ITIH2: variants seen among roughly 807,000 people sequenced by gnomAD.
ITIH2 encodes inter-alpha-trypsin inhibitor heavy chain 2, also known as inter-alpha-trypsin inhibitor heavy chain H2.
ITIH2 carries 103 observed loss-of-function variants against 104.4 expected under a neutral mutation model. That is an observed-to-expected ratio of 0.99 (90% CI 0.84 to 1.16). ITIH2 has a LOEUF of 1.16. Ranked by LOEUF, ITIH2 falls within the 50% of genes most tolerant of loss-of-function variation. The pLI, the probability that ITIH2 is intolerant of heterozygous loss-of-function variation, is 0.00. For synonymous variants in ITIH2, 436 were observed against 435.4 expected (o/e 1.00, Z -0.02); for missense variants, 1,108 against 1,162.4 (o/e 0.95, Z 0.68).
chr10:7,737,493 A>G (rs1835067833), intron 15 of ITIH2, among the ~76,000 whole-genome samples: 1 of 137,414 alleles, frequency 7.3e-6, no homozygotes, highest in Non-Finnish European at 1.5e-5. Flanking sequence ...ATATATAATT[A>G]TATATATTTT....
At chr10:7,712,011 A>G (rs112078614) in intron 4 of ITIH2, among the ~76,000 whole-genome samples, 7 of 152,302 alleles carry the variant, frequency 4.6e-5, no homozygotes, top group Admixed American at 2.6e-4. Flanking sequence ...AGAGGTCCCC[A>G]AGGGAGATGG....
At chr10:7,716,280 G>A (rs1349962438) in intron 5 of ITIH2, among the ~76,000 whole-genome samples, 1 of 152,120 alleles carries the variant, frequency 6.6e-6, no homozygotes, top group Non-Finnish European at 1.5e-5. Context: ...TGTGCCCAGT[G>A]TATTTACTTA....
chr10:7,713,949 A>G (rs1016569820), intron 5 of ITIH2, among the ~76,000 whole-genome samples: 1 of 152,032 alleles, frequency 6.6e-6, no homozygotes, highest in African/African-American at 2.4e-5. Context: ...TCAGCCTCCC[A>G]AAGTACTGGG....
chr10:7,716,096 CCT>C (rs1446404836), intron 5 of ITIH2, among the ~76,000 whole-genome samples: 2 of 151,552 alleles, frequency 1.3e-5, no homozygotes, highest in African/African-American at 4.9e-5. Context: ...GCAATTCTCC[CCT>C]CTCAGCCTCC....
chr10:7,729,034 C>T (rs1289025185), intron 11 of ITIH2, among the ~76,000 whole-genome samples: 1 of 152,128 alleles, frequency 6.6e-6, no homozygotes, highest in Non-Finnish European at 1.5e-5. Context: ...ATTAAACTTG[C>T]CAGGCATGGT....
chr10:7,729,916 C>T, intron 11 of ITIH2, 36 bp from the exon 12 acceptor site: 1 of 1,505,778 alleles, frequency 6.6e-7, no homozygotes, highest in Non-Finnish European at 9.0e-7. Flanking sequence ...GATATTGCTT[C>T]TTCATTCCTT....
At chr10:7,739,391 T>G (rs939638715) in intron 16 of ITIH2, among the ~76,000 whole-genome samples, 1 of 152,176 alleles carries the variant, frequency 6.6e-6, no homozygotes, top group Non-Finnish European at 1.5e-5. Context: ...TGAAGGAAGG[T>G]GCAAAGTCCC....
At chr10:7,727,891 T>G (rs1253453353) in intron 11 of ITIH2, 63 bp downstream of exon 11, 1 of 1,591,206 alleles carries the variant, frequency 6.3e-7, no homozygotes, top group Non-Finnish European at 8.6e-7. Flanking sequence ...GAATGGTGGT[T>G]TGCCTAAAAG....
chr10:7,740,326 A>C (rs1208211221), intron 16 of ITIH2, among the ~76,000 whole-genome samples: 1 of 151,976 alleles, frequency 6.6e-6, no homozygotes, highest in Non-Finnish European at 1.5e-5. Context: ...TTTGTACAAC[A>C]CTCCCGTCTC....
chr10:7,713,165 T>G lies in ITIH2; in HGVS notation c.363-16T>G, dbSNP rs1483679116. ...TTACTATTCTGACCAACTGGTTACC[T>G]TCTGTCATTTTCTAGGACTGTGGAC... On this transcript the variant is annotated splice_polypyrimidine_tract_variant and intron_variant, in intron 4 of 20. Coordinates refer to ENST00000358415, the MANE Select transcript of ITIH2 (RefSeq NM_002216.3). 6.3e-7 allele frequency: 1 copy of G among 1,591,280 alleles called. No individual in the cohort carries two copies.
rs375353130 is a variant in ITIH2 at position 7,734,943 on chromosome 10, C to T, written c.1809C>T (p.Ala603=). 7 of 1,612,734 alleles carry T rather than the reference C, an allele frequency of 4.3e-6. No individual in the cohort carries two copies. The highest frequency in any genetic ancestry group is 2.7e-5 in the African/African-American group (2 of 74,910). The change falls in exon 15 of 21, where the codon GCC becomes GCT. Residue 603 remains alanine (A), a synonymous_variant. Coordinates refer to ENST00000358415, the MANE Select transcript of ITIH2 (RefSeq NM_002216.3). ...ACAGAAGCCTGGCTCCTACAGCTGC[C>T]GCCAAGAGAAGAATTACAAGATCGA... is the stretch of plus-strand genomic sequence containing the variant. ...LAERSLAPTA[A]AKRRITRSIL... is the part of the protein sequence containing the mutation.
In ITIH2 at chr10:7,738,784, T is replaced by C. The variant is rs577288568; in HGVS notation, c.2095+26T>C. ...GTAACGCTTCTACACTGCTTGCACG[T>C]CCCAGAACTCAGCCGACCATAATCC... On this transcript the variant is annotated intron_variant, in intron 16 of 20. Coordinates refer to ENST00000358415, the MANE Select transcript of ITIH2 (RefSeq NM_002216.3). 12 of 1,550,180 alleles carry C rather than the reference T, an allele frequency of 7.7e-6. No homozygotes were observed. In the South Asian group the frequency reaches 1.5e-4, roughly 19 times the overall value.
At chr10:7,707,173 A>G (rs755336808) in intron 2 of ITIH2, 28 bp from the exon 3 acceptor site, 2 of 1,572,048 alleles carry the variant, frequency 1.3e-6, no homozygotes, top group South Asian at 1.1e-5. Flanking sequence ...ATACAGTTGA[A>G]GAATGATTGT....
intron 16 of ITIH2, among the ~76,000 whole-genome samples, chr10:7,741,503 T>A (rs1005459863): frequency 1.3e-5 from 2 of 152,102 alleles, no homozygotes; most frequent in African/African-American, 4.8e-5. Context: ...CAATGCCCTG[T>A]AGTGTCTGGC....
Position 7,733,212 on chromosome 10 carries a change from T to C in ITIH2, c.1787+735T>C, listed in dbSNP as rs539670356. 3.3e-5 allele frequency among the ~76,000 whole-genome samples: 5 copies of C among 152,318 alleles called. No individual in the cohort carries two copies. In the East Asian group the frequency reaches 7.7e-4, roughly 24 times the overall value. ...CCTGATCCTAAATTTCACATAATCA[T>C]GCAATCTGTATTCCTCTGTTCCTGG... On this transcript the variant is annotated intron_variant, in intron 14 of 20. Coordinates refer to ENST00000358415, the MANE Select transcript of ITIH2 (RefSeq NM_002216.3).
chr10:7,729,033 G>T (rs1455023265), intron 11 of ITIH2, among the ~76,000 whole-genome samples: 1 of 152,162 alleles, frequency 6.6e-6, no homozygotes, highest in African/African-American at 2.4e-5. Flanking sequence ...TATTAAACTT[G>T]CCAGGCATGG....
chr10:7,723,361 C>A, intron 8 of ITIH2, 90 bp from the exon 9 acceptor site: 1 of 828,330 alleles, frequency 1.2e-6, no homozygotes, highest in Non-Finnish European at 2.1e-6. Context: ...TCCCTGTAGA[C>A]CCCTCTCTTC....
At chr10:7,727,849 C>T in intron 11 of ITIH2, 21 bp downstream of exon 11, 1 of 1,613,704 alleles carries the variant, frequency 6.2e-7, no homozygotes, top group Non-Finnish European at 8.5e-7. Flanking sequence ...CTTCAACCTT[C>T]TCACGACAAA....
chr10:7,703,918 A>T (rs1173222100), intron 1 of ITIH2, among the ~76,000 whole-genome samples: 1 of 152,250 alleles, frequency 6.6e-6, no homozygotes, highest in Non-Finnish European at 1.5e-5. Flanking sequence ...GATGATGAAG[A>T]AATATTATCA....
Sources: gnomAD v4.1 joint callset for allele counts (sites outside exome capture counted in the v4.1 genomes callset) on GRCh38, gnomAD v4.1.1 for gene constraint, MANE v1.5 for transcripts, NCBI Gene and HGNC (gene_info 2026-07-23, HGNC 2026-07-21) for gene names.